Variants in NKTR observed in about 807,000 individuals in gnomAD.
The protein encoded by NKTR is natural killer cell triggering receptor.
NKTR carries 67 observed loss-of-function variants against 156.3 expected under a neutral mutation model. That is an observed-to-expected ratio of 0.43 (90% CI 0.35 to 0.53). The LOEUF (loss-of-function observed/expected upper bound fraction) is 0.53, where lower values mean the gene tolerates loss of function less well. Ranked by LOEUF, NKTR falls within the 20% of genes least tolerant of loss-of-function variation. The pLI, the probability that NKTR is intolerant of heterozygous loss-of-function variation, is 0.01. For missense variants in NKTR, 1,604 were observed against 1,730.9 expected (o/e 0.93, Z 1.30); for synonymous variants, 640 against 596.6 (o/e 1.07, Z -1.06).
At chr3:42,628,682 T>A (rs2125799780) in intron 6 of NKTR, 1 of 985,418 alleles carries the variant, frequency 1.0e-6, no homozygotes. Context: ...GCTGATCCCT[T>A]ACACTGTAGA....
In NKTR at chr3:42,632,636, G is replaced by C; in HGVS notation, c.586G>C (p.Glu196Gln). 6.2e-7 allele frequency: 1 copy of C among 1,612,974 alleles called. No individual in the cohort carries two copies. Among genetic ancestry groups the C allele is most frequent in the South Asian group, 1.1e-5 (1 of 90,570 alleles). Residue 196 changes from glutamate to glutamine, a missense_variant, in exon 9 of 17, where the codon GAA becomes CAA. By Grantham distance (29) the Glu-to-Gln change is conservative. Around this residue, in one of 6 missense-constraint regions of NKTR, gnomAD observed 1,255 missense variants for 1,243.7 expected, o/e 1.01. Transcript: ENST00000232978. Reference sequence around the variant, plus strand: ...AAAAAGGAAGAAACCAACTCATTCAGAAGGCTCGGATTCCTCTTCCAATTC... The same window carrying C: ...AAAAAGGAAGAAACCAACTCATTCACAAGGCTCGGATTCCTCTTCCAATTC... ...EKKRKKPTHSEGSDSSSNSSS... is the reference protein window; with the variant it reads ...EKKRKKPTHSQGSDSSSNSSS...
Position 42,617,588 on chromosome 3 carries a change from A to T in NKTR, c.77A>T (p.Gln26Leu). The T allele has an allele frequency of 6.3e-7, 1 of 1,598,870 alleles. No homozygotes were observed. Among genetic ancestry groups the T allele is most frequent in the Non-Finnish European group, 8.6e-7 (1 of 1,166,614 alleles). The change falls in exon 3 of 17, where the codon CAG becomes CTG. Residue 26 changes from glutamine (Q) to leucine (L), a missense_variant. By Grantham distance (113) the Gln-to-Leu change is moderately radical. Around this residue, in one of 6 missense-constraint regions of NKTR, gnomAD observed 73 missense variants for 90.7 expected, o/e 0.80. Coordinates refer to ENST00000232978, the MANE Select transcript of NKTR (RefSeq NM_005385.4). ...ATTTCAGTTGGTCGCATTATGTTTC[A>T]GCTCTTCTCAGACATATGTCCAAAA... is the stretch of plus-strand genomic sequence containing the variant. ...NREPVGRIMF[Q>L]LFSDICPKTC... is the part of the protein sequence containing the mutation.
chr3:42,609,949 C>T (rs1706606051), intron 2 of NKTR, among the ~76,000 whole-genome samples: 1 of 152,092 alleles, frequency 6.6e-6, no homozygotes, highest in African/African-American at 2.4e-5. Flanking sequence ...GATAAATATG[C>T]TCTTTTTTAC....
Position 42,647,725 on chromosome 3 carries a change from G to GA in NKTR, c.*1757dup, listed in dbSNP as rs1710446690. 1 of 152,060 alleles carries GA rather than the reference G, an allele frequency of 6.6e-6. No homozygotes were observed. Among genetic ancestry groups the GA allele is most frequent in the African/African-American group, 2.4e-5 (1 of 41,394 alleles). The allele number at this position is 152,060 out of a possible 1,614,324, so 9.4% of individuals were successfully genotyped here. A position where few individuals can be genotyped will look rare whatever the true frequency, so the allele number is the denominator to read the frequency against. ...GGAGAATATTACTACTAGTCAGCAG[G>GA]AAAAAAATGCATTCAGAACCCAAGC... On this transcript the variant is annotated 3_prime_UTR_variant, in exon 17 of 17. Transcript: ENST00000232978.
At chr3:42,619,598 A>G (rs1707719502) in intron 4 of NKTR, 66 bp from the exon 5 acceptor site, 1 of 1,595,950 alleles carries the variant, frequency 6.3e-7, no homozygotes, top group Non-Finnish European at 8.5e-7. Context: ...GAAGCTATCA[A>G]AAATGATTTC....
chr3:42,621,197 G>A (rs1258450380), intron 5 of NKTR: 2 of 1,128,582 alleles, frequency 1.8e-6, no homozygotes, highest in East Asian at 1.0e-4. Context: ...AAGGCTGTTT[G>A]TGTGAAGTAT....
intron 6 of NKTR, among the ~76,000 whole-genome samples, chr3:42,623,121 G>A (rs1404317757): frequency 1.3e-5 from 2 of 151,246 alleles, no homozygotes. Flanking sequence ...ATTTTATTTA[G>A]TACTTGCTTC....
rs1446926714 is a variant in NKTR, at chr3:42,637,139, T to C, written c.1435T>C (p.Cys479Arg). ...KSSTRRMKSS[C>R]DRERSSRSSS... ...TTCCACTCGAAGAATGAAATCCTCT[T>C]GTGATAGAGAAAGGAGTTCTCGTTC... Residue 479 changes from cysteine (C) to arginine (R), a missense_variant, in exon 13 of 17, where the codon TGT becomes CGT. By Grantham distance (180) the Cys-to-Arg change is radical. Coordinates refer to ENST00000232978, the MANE Select transcript of NKTR (RefSeq NM_005385.4). 3 of 1,611,336 alleles carry C rather than the reference T, an allele frequency of 1.9e-6. No individual in the cohort carries two copies. The highest frequency in any genetic ancestry group is 1.7e-5 in the Admixed American group (1 of 59,310).
intron 2 of NKTR, among the ~76,000 whole-genome samples, chr3:42,606,268 A>G (rs1266234823): frequency 1.3e-5 from 2 of 152,110 alleles, no homozygotes; most frequent in African/African-American, 4.8e-5. Flanking sequence ...TCCCATTTTT[A>G]TATGGAAATA....
chr3:42,635,461 G>A, intron 12 of NKTR, 95 bp downstream of exon 12: 1 of 986,858 alleles, frequency 1.0e-6, no homozygotes, highest in South Asian at 1.9e-5. Context: ...TAAAGATTCA[G>A]TGAAAGATTC....
intron 8 of NKTR, among the ~76,000 whole-genome samples, chr3:42,631,558 C>T (rs1708902724): frequency 6.6e-6 from 1 of 152,190 alleles, no homozygotes; most frequent in African/African-American, 2.4e-5. Context: ...AGCGTCGTAA[C>T]TGTTTACCTT....
At chr3:42,631,347 A>G (rs1708878372) in intron 8 of NKTR, 31 bp downstream of exon 8, 3 of 1,609,188 alleles carry the variant, frequency 1.9e-6, no homozygotes, top group Non-Finnish European at 2.5e-6. Flanking sequence ...AGATGAAGCT[A>G]AGATGCAGGT....
chr3:42,606,819 C>T (rs1275661921), intron 2 of NKTR, among the ~76,000 whole-genome samples: 1 of 151,994 alleles, frequency 6.6e-6, no homozygotes, highest in African/African-American at 2.4e-5. Flanking sequence ...ACCTACCAGC[C>T]TGGGCAACAT....
In NKTR at chr3:42,619,683, A is replaced by G. The variant is rs753887190; in HGVS notation, c.261A>G (p.Glu87=). The G allele has an allele frequency of 2.1e-5, 34 of 1,610,002 alleles. No homozygotes were observed. In the Middle Eastern group the frequency reaches 5.0e-4, roughly 23 times the overall value. ...DFSEGNGKGG[E]SIYGGYFKDE... ...TTGCAGGTAATGGAAAAGGTGGAGA[A>G]TCAATTTATGGTGGATATTTTAAAG... Residue 87 remains glutamate, a synonymous_variant, in exon 5 of 17, where the codon GAA becomes GAG. Transcript: ENST00000232978.
intron 5 of NKTR, chr3:42,619,965 A>C (rs1577478578): frequency 2.0e-6 from 3 of 1,528,032 alleles, no homozygotes; most frequent in Non-Finnish European, 2.6e-6. Context: ...TATATACATG[A>C]AAACTCCTAT....
Position 42,646,332 on chromosome 3 carries a change from T to C in NKTR, c.*357T>C, listed in dbSNP as rs564753701. Reference sequence around the variant, plus strand: ...GATTCTTTTTGCCTGTTTTTCCAGTTTTAGCATATATGCTGCCAAGCATAG... The same window carrying C: ...GATTCTTTTTGCCTGTTTTTCCAGTCTTAGCATATATGCTGCCAAGCATAG... On this transcript the variant is annotated 3_prime_UTR_variant, in exon 17 of 17. Transcript: ENST00000232978. 1.2e-4 allele frequency: 26 copies of C among 211,242 alleles called. No individual in the cohort carries two copies. The highest frequency in any genetic ancestry group is 2.3e-4 in the Non-Finnish European group (24 of 102,552). The allele number at this position is 211,242 out of a possible 1,614,324, so 13.1% of individuals were successfully genotyped here. A position where few individuals can be genotyped will look rare whatever the true frequency, so the allele number is the denominator to read the frequency against.
At position 42,639,216 on chromosome 3, in the gene NKTR, C is replaced by T. The variant is rs748546500; in HGVS notation, c.3512C>T (p.Pro1171Leu). 3.8e-5 allele frequency: 61 copies of T among 1,613,990 alleles called. No individual in the cohort carries two copies. Among genetic ancestry groups the T allele is most frequent in the Non-Finnish European group, 5.2e-5 (61 of 1,180,024 alleles). Residue 1171 changes from proline to leucine, a missense_variant, in exon 13 of 17, where the codon CCT (proline) becomes CTT (leucine). Transcript: ENST00000232978. ...VLKQDMATEH[P>L]QAEVVKQESS... is the part of the protein sequence containing the mutation. ...AAGCAGGATATGGCAACGGAACATC[C>T]TCAAGCAGAGGTAGTAAAACAGGAA...
At chr3:42,627,579 A>T (rs1435666969) in intron 6 of NKTR, 13 of 985,068 alleles carry the variant, frequency 1.3e-5, no homozygotes, top group Non-Finnish European at 1.3e-5. Context: ...TTGGAGTAGC[A>T]GTGACACTTG....
chr3:42,638,343 A>G lies in NKTR; in HGVS notation c.2639A>G (p.Tyr880Cys). ...GGCAGTAAGCCCAAAAGGAAGAATTATGCTGGTAGTAAATGGGACTCTGAG... is the reference window on the plus strand; with the variant it reads ...GGCAGTAAGCCCAAAAGGAAGAATTGTGCTGGTAGTAAATGGGACTCTGAG... ...RNGSKPKRKN[Y>C]AGSKWDSESN... is the part of the protein sequence containing the mutation. Residue 880 changes from tyrosine to cysteine, a missense_variant, in exon 13 of 17, where the codon TAT becomes TGT. By Grantham distance (194) the Tyr-to-Cys change is radical. This residue lies in a region of NKTR where 1,255 missense variants were observed against 1,243.7 expected (regional missense o/e 1.01). Coordinates refer to ENST00000232978, the MANE Select transcript of NKTR (RefSeq NM_005385.4). 6.2e-7 allele frequency: 1 copy of G among 1,612,654 alleles called. No homozygotes were observed. The highest frequency in any genetic ancestry group is 8.5e-7 in the Non-Finnish European group (1 of 1,179,592).
Sources: allele counts gnomAD v4.1 joint callset (sites outside exome capture counted in the v4.1 genomes callset), GRCh38; gene constraint gnomAD v4.1.1; regional missense constraint gnomAD v4.1.1; transcripts MANE v1.5; gene names NCBI Gene and HGNC (gene_info 2026-07-23, HGNC 2026-07-21).